Variants in UMODL1 observed in about 807,000 individuals in gnomAD.
The protein encoded by UMODL1 is uromodulin like 1.
In UMODL1, 128 loss-of-function variants were observed where a neutral mutation model predicts 136.3. The observed-to-expected ratio is 0.94, with a 90% CI of 0.81 to 1.09. The LOEUF (loss-of-function observed/expected upper bound fraction) is 1.09. Among genes scored for constraint, UMODL1 ranks in the 50% least tolerant of loss-of-function variants. UMODL1 has a pLI of 0.00. For synonymous variants in UMODL1, 721 were observed against 720.0 expected (o/e 1.00, Z -0.02); for missense variants, 1,766 against 1,725.6 (o/e 1.02, Z -0.41).
intron 6 of UMODL1, among the ~76,000 whole-genome samples, chr21:42,098,504 C>T (rs9974504): frequency 0.081 from 12,378 of 151,904 alleles, 850 homozygotes; most frequent in African/African-American, 0.19. Flanking sequence ...TGCGGTGGCG[C>T]ACACCTGTAA....
intron 1 of UMODL1, among the ~76,000 whole-genome samples, chr21:42,073,261 C>G (rs1004168296): frequency 6.6e-6 from 1 of 152,344 alleles, no homozygotes; most frequent in South Asian, 2.1e-4. Context: ...TCGGCGTGGT[C>G]ACTGAGTAGG....
chr21:42,107,068 C>G (rs1387263529), intron 9 of UMODL1, among the ~76,000 whole-genome samples: 2 of 152,210 alleles, frequency 1.3e-5, no homozygotes, highest in Non-Finnish European at 2.9e-5. Flanking sequence ...ACTGGTCCTT[C>G]CGCCTCACGG....
At chr21:42,079,224 G>C (rs776646781) in intron 2 of UMODL1, among the ~76,000 whole-genome samples, 87 of 152,210 alleles carry the variant, frequency 5.7e-4, no homozygotes, top group Non-Finnish European at 1.0e-3. Context: ...CCTTCTGTAA[G>C]AGACCCTGGC....
intron 5 of UMODL1, among the ~76,000 whole-genome samples, chr21:42,089,140 G>T (rs1373072045): frequency 6.6e-6 from 1 of 152,136 alleles, no homozygotes; most frequent in Non-Finnish European, 1.5e-5. Context: ...TGCTGTTGTA[G>T]TAGTCACAGA....
At chr21:42,102,041 C>A in intron 7 of UMODL1, 125 bp from the exon 8 acceptor site, 1 of 650,736 alleles carries the variant, frequency 1.5e-6, no homozygotes, top group Non-Finnish European at 2.7e-6. Flanking sequence ...ATACCTCAAT[C>A]TAAGATTCAT....
rs2066850262 is a variant in UMODL1, at chr21:42,112,619, C to T, written c.2104+909C>T. ...GTATCTCCCCAGCTCTTCTGTATCT[C>T]CCCACTGTTCTGCACCTCCATAGGT... is the stretch of plus-strand genomic sequence containing the variant. On this transcript the variant is annotated intron_variant, in intron 12 of 22. Transcript: ENST00000408910. Among the ~76,000 whole-genome samples, 4 of 151,822 alleles carry T rather than the reference C, an allele frequency of 2.6e-5. No individual in the cohort carries two copies. The South Asian group carries it at 8.3e-4, about 32-fold the overall frequency.
intron 9 of UMODL1, among the ~76,000 whole-genome samples, chr21:42,107,424 A>G (rs1159898120): frequency 1.3e-5 from 2 of 152,030 alleles, no homozygotes; most frequent in Non-Finnish European, 2.9e-5. Context: ...CCGCCTCGCC[A>G]CTGCGCGAGC....
In UMODL1 at chr21:42,123,107, T is replaced by G; in HGVS notation, c.3104T>G (p.Leu1035Arg). The G allele has an allele frequency of 6.2e-7, 1 of 1,613,982 alleles. No homozygotes were observed. The highest frequency in any genetic ancestry group is 8.5e-7 in the Non-Finnish European group (1 of 1,179,948). ...AGCCACAGCAATGGCACACACGTGC[T>G]CCTGGAGGCCGGCTGGAGCGAGTGT... ...NVSHSNGTHV[L>R]LEAGWSECGT... Residue 1035 changes from leucine to arginine, a missense_variant, in exon 17 of 23, where the codon CTC becomes CGC. Physicochemically the swap from Leu to Arg is moderately radical, Grantham distance 102. Coordinates refer to ENST00000408910, the MANE Select transcript of UMODL1 (RefSeq NM_001004416.3). This position sits in a 1 kb window ranked among gnomAD's most constrained non-coding sequence, Gnocchi z 4.4.
intron 6 of UMODL1, among the ~76,000 whole-genome samples, chr21:42,094,589 A>G (rs1346657235): frequency 1.3e-5 from 2 of 152,184 alleles, no homozygotes; most frequent in Non-Finnish European, 2.9e-5. Flanking sequence ...AAGGGTCCCC[A>G]TTTAAGGGTA....
chr21:42,101,422 C>T (rs1043450591), intron 7 of UMODL1, among the ~76,000 whole-genome samples: 5 of 152,126 alleles, frequency 3.3e-5, no homozygotes, highest in East Asian at 3.8e-4. Flanking sequence ...TTAAGTGTGG[C>T]GTGCATAGGT....
intron 4 of UMODL1, among the ~76,000 whole-genome samples, chr21:42,086,251 G>C (rs1486984796): frequency 6.6e-6 from 1 of 152,186 alleles, no homozygotes; most frequent in Admixed American, 6.5e-5. Flanking sequence ...TGGAAATGCC[G>C]AACACTTTTC....
chr21:42,108,881 T>TGC lies in UMODL1; in HGVS notation c.1520-680_1520-679insCG, dbSNP rs1569160193. Reference sequence around the variant, plus strand: ...ACTCCGCTGGACCCCACCCCCGGCGTGGGAAGTTCATGTTGTACTCAGGCT... The same window carrying TGC: ...ACTCCGCTGGACCCCACCCCCGGCGTGCGGGAAGTTCATGTTGTACTCAGGCT... On this transcript the variant is annotated intron_variant, in intron 9 of 22. Transcript: ENST00000408910. Among the ~76,000 whole-genome samples the TGC allele has an allele frequency of 8.2e-4, 63 of 76,974 alleles. 6 individuals carry two copies. Among genetic ancestry groups the TGC allele is most frequent in the East Asian group, 2.2e-3 (5 of 2,258 alleles). The allele number at this position is 76,974 out of a possible 152,430, so 50.5% of individuals were successfully genotyped here.
rs368444678 is a variant in UMODL1, at chr21:42,099,027, C to G, written c.1033C>G (p.Arg345Gly). The G allele has an allele frequency of 3.0e-4, 490 of 1,614,182 alleles. 11 individuals carry two copies. In the South Asian group the frequency reaches 5.1e-3, roughly 17 times the overall value. ...TACACAGAACCACACTTTCCATGTC[C>G]GGGTTTACCGGGGTATGGAGTTGCT... is the stretch of plus-strand genomic sequence containing the variant. ...NSTQNHTFHVRVYRGMELLRS... is the reference protein window; with the variant it reads ...NSTQNHTFHVGVYRGMELLRS... Residue 345 changes from arginine to glycine, a missense_variant, in exon 7 of 23, where the codon CGG becomes GGG. Physicochemically the swap from Arg to Gly is moderately radical, Grantham distance 125. Coordinates refer to ENST00000408910, the MANE Select transcript of UMODL1 (RefSeq NM_001004416.3). The surrounding 1 kb of genome is among the most constrained non-coding windows in gnomAD (Gnocchi z 4.1).
intron 1 of UMODL1, among the ~76,000 whole-genome samples, chr21:42,075,245 G>GGT (rs2066276337): frequency 6.8e-6 from 1 of 148,106 alleles, no homozygotes; most frequent in South Asian, 2.2e-4. Context: ...TGGAGATGGG[G>GGT]GGGGGGTTTC....
intron 8 of UMODL1, chr21:42,103,414 G>A (rs555608143): frequency 5.9e-6 from 2 of 341,310 alleles, no homozygotes; most frequent in Non-Finnish European, 1.2e-5. Context: ...GTAGCCCTAA[G>A]CACCTGGCTC....
intron 9 of UMODL1, chr21:42,108,273 C>T (rs562230527): frequency 1.0e-4 from 52 of 500,226 alleles, no homozygotes; most frequent in South Asian, 7.1e-4. Context: ...AACCCCAACC[C>T]GGAGCACCCC....
chr21:42,101,806 G>A lies in UMODL1; in HGVS notation c.1187-360G>A, dbSNP rs554658278. 7.0e-4 allele frequency: 318 copies of A among 451,422 alleles called. 5 individuals are homozygous for A. Among genetic ancestry groups the A allele is most frequent in the Middle Eastern group, 6.9e-3 (21 of 3,038 alleles). The allele number at this position is 451,422 out of a possible 1,614,324, so 28.0% of individuals were successfully genotyped here. ...ACCCTGATGTTGGGGGCCTGAGTAA[G>A]GGCCTCGTCGTGTGAGTACCTCCTG... On this transcript the variant is annotated intron_variant, in intron 7 of 22. Transcript: ENST00000408910.
At chr21:42,107,052 GT>G (rs1166723202) in intron 9 of UMODL1, among the ~76,000 whole-genome samples, 1 of 152,146 alleles carries the variant, frequency 6.6e-6, no homozygotes, top group Non-Finnish European at 1.5e-5. Flanking sequence ...CAACCCCTGG[GT>G]TCCCACTGGT....
At chr21:42,089,690 A>T (rs2066467661) in intron 5 of UMODL1, among the ~76,000 whole-genome samples, 1 of 152,252 alleles carries the variant, frequency 6.6e-6, no homozygotes. Flanking sequence ...CAATACATCT[A>T]AGCAAAAGAG....
Sources: allele counts gnomAD v4.1 joint callset (sites outside exome capture counted in the v4.1 genomes callset), GRCh38; gene constraint gnomAD v4.1.1; non-coding constraint Gnocchi (gnomAD v3.1); transcripts MANE v1.5; gene names NCBI Gene and HGNC (gene_info 2026-07-23, HGNC 2026-07-21).